Variants in PEBP4 observed in about 807,000 individuals in gnomAD.
The protein encoded by PEBP4 is phosphatidylethanolamine binding protein 4.
A neutral mutation model predicts 23.9 loss-of-function variants in PEBP4; 22 were observed. The ratio of observed to expected loss-of-function variants is 0.92; its 90% CI spans 0.66 to 1.31. PEBP4 has a LOEUF of 1.31. Among genes scored for constraint, PEBP4 ranks in the 40% most tolerant of loss-of-function variants. The probability of loss-of-function intolerance (pLI) is 0.00; values close to 1 mark genes in which losing one functional copy is unlikely to be tolerated. For synonymous variants in PEBP4, 112 were observed against 99.3 expected (o/e 1.13, Z -0.76); for missense variants, 324 against 281.7 (o/e 1.15, Z -1.07).
chr8:22,931,850 C>T (rs75225582), upstream of PEBP4, among the ~76,000 whole-genome samples: 1,736 of 152,242 alleles, frequency 0.011, 28 homozygotes, highest in African/African-American at 0.04. Context: ...TCTGGTCCCT[C>T]GACCACTCTC....
At chr8:22,730,672 G>C (rs934819125) in intron 4 of PEBP4, among the ~76,000 whole-genome samples, 1 of 152,220 alleles carries the variant, frequency 6.6e-6, no homozygotes, top group Non-Finnish European at 1.5e-5. Flanking sequence ...GCACTGCTCA[G>C]GGTTGCTGGG....
intron 4 of PEBP4, among the ~76,000 whole-genome samples, chr8:22,756,715 G>A (rs1805390188): frequency 6.6e-6 from 1 of 152,218 alleles, no homozygotes; most frequent in Admixed American, 6.5e-5. Flanking sequence ...TTTTGCTCCT[G>A]GGTAAGGGAG....
chr8:22,818,264 C>T (rs1293414414), intron 3 of PEBP4, among the ~76,000 whole-genome samples: 1 of 152,124 alleles, frequency 6.6e-6, no homozygotes, highest in Admixed American at 6.5e-5. Context: ...GAGCACAAGA[C>T]AGTAAGGTCC....
intron 4 of PEBP4, among the ~76,000 whole-genome samples, chr8:22,798,900 G>A (rs1806325697): frequency 1.3e-5 from 2 of 151,226 alleles, no homozygotes; most frequent in African/African-American, 2.4e-5. Flanking sequence ...ACCATGCCCG[G>A]CTAATTTGTT....
chr8:22,724,569 T>G (rs991497520), intron 6 of PEBP4, among the ~76,000 whole-genome samples: 1 of 152,186 alleles, frequency 6.6e-6, no homozygotes, highest in Non-Finnish European at 1.5e-5. Context: ...CTGGCTGCAG[T>G]CACCTGCTTT....
chr8:22,764,059 C>A (rs1805562557), intron 4 of PEBP4, among the ~76,000 whole-genome samples: 1 of 152,168 alleles, frequency 6.6e-6, no homozygotes, highest in South Asian at 2.1e-4. Flanking sequence ...TGATGTCAAG[C>A]CTTTCCTGGC....
intron 4 of PEBP4, among the ~76,000 whole-genome samples, chr8:22,774,708 G>A (rs1425786858): frequency 2.6e-5 from 4 of 152,194 alleles, no homozygotes; most frequent in Non-Finnish European, 5.9e-5. Flanking sequence ...TGCAGACAGG[G>A]AGCCGCTCTG....
At chr8:22,766,369 A>G (rs1805615609) in intron 4 of PEBP4, among the ~76,000 whole-genome samples, 1 of 152,226 alleles carries the variant, frequency 6.6e-6, no homozygotes, top group South Asian at 2.1e-4. Flanking sequence ...GACCTCACGG[A>G]GCTGGCAGCC....
chr8:22,905,714 C>A (rs1328615176), intron 3 of PEBP4, among the ~76,000 whole-genome samples: 3 of 152,202 alleles, frequency 2.0e-5, no homozygotes, highest in Non-Finnish European at 2.9e-5. Flanking sequence ...AGACGCAGGA[C>A]CTGACCTGCC....
At chr8:22,939,055 A>C (rs1454590129) in intron 1 of PEBP4, among the ~76,000 whole-genome samples, 1 of 152,196 alleles carries the variant, frequency 6.6e-6, no homozygotes, top group African/African-American at 2.4e-5. Context: ...ATTTCAGATG[A>C]CCAATTTGAA....
intron 3 of PEBP4, among the ~76,000 whole-genome samples, chr8:22,836,706 G>C (rs1585299615): frequency 6.6e-6 from 1 of 152,330 alleles, no homozygotes; most frequent in East Asian, 1.9e-4. Flanking sequence ...TCTGTGCTGT[G>C]CTGCGTACCC....
At chr8:22,840,596 G>A (rs2128765561) in intron 3 of PEBP4, among the ~76,000 whole-genome samples, 1 of 152,142 alleles carries the variant, frequency 6.6e-6, no homozygotes, top group South Asian at 2.1e-4. Flanking sequence ...ATTCCTGCCT[G>A]TTGAGAAATT....
intron 3 of PEBP4, among the ~76,000 whole-genome samples, chr8:22,874,337 C>T (rs1022857854): frequency 9.2e-5 from 14 of 152,052 alleles, no homozygotes; most frequent in South Asian, 2.1e-4. Flanking sequence ...CTCAAAAGCC[C>T]GAAAAGCAAT....
At chr8:22,850,567 GTGTGTGTC>G (rs917098380) in intron 3 of PEBP4, among the ~76,000 whole-genome samples, 32 of 152,292 alleles carry the variant, frequency 2.1e-4, no homozygotes, top group Admixed American at 1.6e-3. Flanking sequence ...GTGTGTGTGT[GTGTGTGTC>G]TGTGTGTCTG....
chr8:22,743,766 G>A (rs896760281), intron 4 of PEBP4, among the ~76,000 whole-genome samples: 5 of 152,204 alleles, frequency 3.3e-5, no homozygotes, highest in African/African-American at 9.7e-5. Context: ...AGCACCTGCC[G>A]GCAGCACCAC....
At position 22,927,600 on chromosome 8, in the gene PEBP4, C is replaced by G. The variant is rs538633446; in HGVS notation, c.115G>C (p.Asp39His). 6.3e-5 allele frequency: 101 copies of G among 1,611,734 alleles called. No homozygotes were observed. In the Admixed American group the frequency reaches 1.6e-3, roughly 26 times the overall value. The change falls in exon 2 of 7, where the codon GAC (aspartate) becomes CAC (histidine). Residue 39 changes from aspartate (D) to histidine (H), a missense_variant. Asp to His is a moderately conservative substitution (Grantham distance 81, BLOSUM62 -1). Coordinates refer to ENST00000256404, the MANE Select transcript of PEBP4 (RefSeq NM_144962.3). Reference protein sequence around the residue: ...PCAHEALLDEDTLFCQGLEVF... With the variant: ...PCAHEALLDEHTLFCQGLEVF... Reference sequence around the variant, plus strand: ...CTGACTTACTGGCAAAAGAGGGTGTCCTCGTCCAAGAGGGCCTCATGGGCA... The same window carrying G: ...CTGACTTACTGGCAAAAGAGGGTGTGCTCGTCCAAGAGGGCCTCATGGGCA...
intron 3 of PEBP4, among the ~76,000 whole-genome samples, chr8:22,849,082 T>C (rs572557725): frequency 7.2e-5 from 11 of 152,312 alleles, no homozygotes; most frequent in African/African-American, 2.6e-4. Flanking sequence ...GACTCTCAGT[T>C]CTGTGCTTGA....
intron 2 of PEBP4, among the ~76,000 whole-genome samples, chr8:22,920,968 C>T (rs78131376): frequency 0.011 from 1,622 of 152,240 alleles, 36 homozygotes; most frequent in African/African-American, 0.037. Flanking sequence ...CATGTATTTG[C>T]TCCCTGAGAA....
At chr8:22,795,737 G>A (rs1001618789) in intron 4 of PEBP4, among the ~76,000 whole-genome samples, 1 of 152,088 alleles carries the variant, frequency 6.6e-6, no homozygotes, top group Non-Finnish European at 1.5e-5. Flanking sequence ...AAATATTCAA[G>A]TCTTTTACAT....
Sources: gnomAD v4.1 joint callset for allele counts (sites outside exome capture counted in the v4.1 genomes callset) on GRCh38, gnomAD v4.1.1 for gene constraint, MANE v1.5 for transcripts, NCBI Gene and HGNC (gene_info 2026-07-23, HGNC 2026-07-21) for gene names.